BCL2: variants seen among roughly 807,000 people sequenced by gnomAD.
The protein encoded by BCL2 is BCL2 apoptosis regulator.
BCL2 carries 1 observed loss-of-function variant against 14.2 expected under a neutral mutation model. The observed-to-expected ratio is 0.07, with a 90% CI of 0.02 to 0.33. BCL2 has a LOEUF of 0.33. Ranked by LOEUF, BCL2 falls within the 10% of genes least tolerant of loss-of-function variation. The pLI is 0.99. For synonymous variants in BCL2, 151 were observed against 137.2 expected (o/e 1.10, Z -0.70); for missense variants, 247 against 305.9 (o/e 0.81, Z 1.44).
chr18:63,193,336 T>G (rs12962650), intron 2 of BCL2, among the ~76,000 whole-genome samples: 84,788 of 151,906 alleles, frequency 0.56, 25,428 homozygotes, highest in Non-Finnish European at 0.68. Context: ...TTAAGAACTC[T>G]TAACATGAGA....
chr18:63,147,531 T>A (rs947403072), intron 2 of BCL2, among the ~76,000 whole-genome samples: 4 of 152,316 alleles, frequency 2.6e-5, no homozygotes, highest in Admixed American at 2.0e-4. Flanking sequence ...AAGCTAGGAA[T>A]GTTCTTGATA....
At chr18:63,207,496 C>T (rs1178798819) in intron 2 of BCL2, 1 of 145,632 alleles carries the variant, frequency 6.9e-6, no homozygotes, top group African/African-American at 2.6e-5. Context: ...TTCCGGAAGA[C>T]CAAGGGCAAC....
At chr18:63,180,421 G>A (rs934118297) in intron 2 of BCL2, among the ~76,000 whole-genome samples, 1 of 152,216 alleles carries the variant, frequency 6.6e-6, no homozygotes, top group Non-Finnish European at 1.5e-5. Context: ...GAAAACAAAC[G>A]GCTTGCTCCG....
chr18:63,156,153 A>G (rs947198624), intron 2 of BCL2, among the ~76,000 whole-genome samples: 8 of 149,812 alleles, frequency 5.3e-5, no homozygotes, highest in Non-Finnish European at 1.0e-4. Context: ...GGGTGTTCAA[A>G]GAGGAGAAGA....
At position 63,149,051 on chromosome 18, in the gene BCL2, G is replaced by A. The variant is rs1001152354; in HGVS notation, c.586-20292C>T. The stretch of plus-strand genomic sequence containing the variant: ...CCTGCCCAGAGCCACGAAGTCATAA[G>A]TGTGCATGGAGCAGCGACGTGCTTA... On this transcript the variant is annotated intron_variant, in intron 2 of 2. Transcript: ENST00000333681. The surrounding 1 kb of genome is among the most constrained non-coding windows in gnomAD (Gnocchi z 4.2). Among the ~76,000 whole-genome samples, 1 of 152,226 alleles carries A rather than the reference G, an allele frequency of 6.6e-6. No homozygotes were observed. The highest frequency in any genetic ancestry group is 1.5e-5 in the Non-Finnish European group (1 of 68,040).
At chr18:63,178,697 G>T (rs1915407203) in intron 2 of BCL2, among the ~76,000 whole-genome samples, 1 of 152,110 alleles carries the variant, frequency 6.6e-6, no homozygotes, top group African/African-American at 2.4e-5. Context: ...CCAGCCTGGT[G>T]CCAAGAGTGG....
chr18:63,181,008 T>G (rs1462947833), intron 2 of BCL2, among the ~76,000 whole-genome samples: 1 of 152,206 alleles, frequency 6.6e-6, no homozygotes, highest in Non-Finnish European at 1.5e-5. Flanking sequence ...AATATTAATG[T>G]GGAGAAGATG....
At chr18:63,202,436 T>C (rs566006420) in intron 2 of BCL2, among the ~76,000 whole-genome samples, 1 of 152,352 alleles carries the variant, frequency 6.6e-6, no homozygotes, top group South Asian at 2.1e-4. Flanking sequence ...GCCACTTACC[T>C]AACCTGTCTG....
At chr18:63,270,165 G>A (rs544598388) in intron 2 of BCL2, among the ~76,000 whole-genome samples, 3 of 152,174 alleles carry the variant, frequency 2.0e-5, no homozygotes, top group African/African-American at 7.2e-5. Flanking sequence ...AACTGTTAAC[G>A]TCTATGGAGG....
chr18:63,140,809 ATCC>A (rs754259400), intron 2 of BCL2, among the ~76,000 whole-genome samples: 1 of 152,238 alleles, frequency 6.6e-6, no homozygotes, highest in Non-Finnish European at 1.5e-5. Context: ...CGTGAACTAT[ATCC>A]CAATAAAAGA....
At chr18:63,145,609 T>C (rs1479899776) in intron 2 of BCL2, among the ~76,000 whole-genome samples, 1 of 152,260 alleles carries the variant, frequency 6.6e-6, no homozygotes, top group Admixed American at 6.5e-5. Flanking sequence ...AACCTAGCTC[T>C]GCTCACCAAG....
intron 2 of BCL2, among the ~76,000 whole-genome samples, chr18:63,306,417 C>G (rs1270608625): frequency 6.6e-6 from 1 of 152,222 alleles, no homozygotes; most frequent in Non-Finnish European, 1.5e-5. Context: ...GGTGACGTAT[C>G]TGAAACAAAC....
intron 2 of BCL2, among the ~76,000 whole-genome samples, chr18:63,133,813 G>A (rs1914136827): frequency 6.6e-6 from 1 of 152,122 alleles, no homozygotes; most frequent in Non-Finnish European, 1.5e-5. Context: ...GCTTTTGTTA[G>A]TAATTTCACT....
chr18:63,141,861 C>G (rs1029766079), intron 2 of BCL2, among the ~76,000 whole-genome samples: 1 of 152,224 alleles, frequency 6.6e-6, no homozygotes, highest in Admixed American at 6.5e-5. Context: ...TTGGGCCAAG[C>G]GTGCCGTGGC....
At chr18:63,242,772 T>A (rs1401022506) in intron 2 of BCL2, among the ~76,000 whole-genome samples, 1 of 152,204 alleles carries the variant, frequency 6.6e-6, no homozygotes, top group Non-Finnish European at 1.5e-5. Context: ...AGATAAAATT[T>A]CAAATTGCTG....
chr18:63,301,267 G>A (rs973200847), intron 2 of BCL2, among the ~76,000 whole-genome samples: 5 of 152,058 alleles, frequency 3.3e-5, no homozygotes, highest in Non-Finnish European at 7.4e-5. Flanking sequence ...TTTCCATTTG[G>A]AATGATGAAC....
At position 63,124,957 on chromosome 18, in the gene BCL2, T is replaced by G. The variant is rs1913872427; in HGVS notation, c.*3668A>C. The G allele has an allele frequency of 4.5e-6, 1 of 222,192 alleles. No homozygotes were observed. Among genetic ancestry groups the G allele is most frequent in the Non-Finnish European group, 9.0e-6 (1 of 110,880 alleles). The allele number at this position is 222,192 out of a possible 1,614,324, so 13.8% of individuals were successfully genotyped here. A position where few individuals can be genotyped will look rare whatever the true frequency, so the allele number is the denominator to read the frequency against. ...CAGTTGGAATTAATTAGAGTTTAAG[T>G]TCACATTTATAAACTATTTGTTTTA... is the stretch of plus-strand genomic sequence containing the variant. On this transcript the variant is annotated 3_prime_UTR_variant, in exon 3 of 3. Transcript: ENST00000333681.
At chr18:63,258,913 T>C (rs1438664634) in intron 2 of BCL2, among the ~76,000 whole-genome samples, 3 of 152,268 alleles carry the variant, frequency 2.0e-5, no homozygotes, top group African/African-American at 7.2e-5. Flanking sequence ...AGCTTGTCAC[T>C]GGCTTCCTTT....
rs572382935 is a variant in BCL2, at chr18:63,124,938, GAATT to G, written c.*3683_*3686del. On this transcript the variant is annotated 3_prime_UTR_variant, in exon 3 of 3. Transcript: ENST00000333681. ...AGCCACTGCCTTAAAAGTACAGTTGGAATTAATTAGAGTTTAAGTTCACATTTAT... is the reference window on the plus strand; with the variant it reads ...AGCCACTGCCTTAAAAGTACAGTTGGAATTAGAGTTTAAGTTCACATTTAT... 1 of 222,656 alleles carries G rather than the reference GAATT, an allele frequency of 4.5e-6. No individual in the cohort carries two copies. Among genetic ancestry groups the G allele is most frequent in the South Asian group, 1.8e-4 (1 of 5,436 alleles). 13.8% of individuals were successfully genotyped at this position (222,656 alleles called of 1,614,324 possible). A position where few individuals can be genotyped will look rare whatever the true frequency, so the allele number is the denominator to read the frequency against.
Sources: allele counts gnomAD v4.1 joint callset (sites outside exome capture counted in the v4.1 genomes callset), GRCh38; gene constraint gnomAD v4.1.1; non-coding constraint Gnocchi (gnomAD v3.1); transcripts MANE v1.5; gene names NCBI Gene and HGNC (gene_info 2026-07-23, HGNC 2026-07-21).